PHF21B: variants seen among roughly 807,000 people sequenced by gnomAD.
PHF21B encodes PHD finger protein 21B, also known as PHD finger protein 4.
PHF21B carries 22 observed loss-of-function variants against 62.2 expected under a neutral mutation model. The ratio of observed to expected loss-of-function variants is 0.35; its 90% CI spans 0.25 to 0.51. The LOEUF (loss-of-function observed/expected upper bound fraction) is 0.51. Ranked by LOEUF, PHF21B falls within the 20% of genes least tolerant of loss-of-function variation. The pLI is 0.97. For synonymous variants in PHF21B, 341 were observed against 314.7 expected (o/e 1.08, Z -0.88); for missense variants, 701 against 707.9 (o/e 0.99, Z 0.11).
At chr22:44,979,152 C>A (rs1320780485) in intron 2 of PHF21B, among the ~76,000 whole-genome samples, 2 of 152,268 alleles carry the variant, frequency 1.3e-5, no homozygotes, top group Non-Finnish European at 2.9e-5. Flanking sequence ...TTCTCTCCTG[C>A]ACCCACAGTG....
chr22:44,947,272 C>A lies in PHF21B; in HGVS notation c.121-26782G>T, dbSNP rs1474839009. ...TGTGTTGCCATTCTGAGCACCTACTCGGCACCAAGCATTCTGTTCACGTTC... is the reference window on the plus strand; with the variant it reads ...TGTGTTGCCATTCTGAGCACCTACTAGGCACCAAGCATTCTGTTCACGTTC... On this transcript the variant is annotated intron_variant, in intron 2 of 12. Coordinates refer to ENST00000313237, the MANE Select transcript of PHF21B (RefSeq NM_138415.5). Among the ~76,000 whole-genome samples, 5 of 152,208 alleles carry A rather than the reference C, an allele frequency of 3.3e-5. 1 individual carries two copies. The East Asian group carries it at 5.8e-4, about 18-fold the overall frequency.
chr22:44,894,690 T>G (rs1371840818), intron 6 of PHF21B, among the ~76,000 whole-genome samples: 1 of 152,156 alleles, frequency 6.6e-6, no homozygotes, highest in East Asian at 1.9e-4. Flanking sequence ...AAGGGTTGCT[T>G]ACAGGGGGCT....
At chr22:44,916,829 C>T (rs1244204728) in intron 3 of PHF21B, among the ~76,000 whole-genome samples, 199 bp from the exon 4 acceptor site, 5 of 152,224 alleles carry the variant, frequency 3.3e-5, no homozygotes, top group Admixed American at 6.5e-5. Flanking sequence ...CGACTGGCCA[C>T]GGGGCTCAGG....
At chr22:44,967,443 G>A (rs1010734262) in intron 2 of PHF21B, among the ~76,000 whole-genome samples, 1 of 152,036 alleles carries the variant, frequency 6.6e-6, no homozygotes, top group African/African-American at 2.4e-5. Context: ...GGATAGTCTC[G>A]ATCTCCTGAC....
At chr22:44,920,922 G>A (rs1391422364) in intron 2 of PHF21B, among the ~76,000 whole-genome samples, 1 of 152,174 alleles carries the variant, frequency 6.6e-6, no homozygotes, top group East Asian at 1.9e-4. Context: ...TTGGAAATTT[G>A]AGTTCTAGCT....
Position 44,908,156 on chromosome 22 carries a change from C to T in PHF21B, c.831+5666G>A, listed in dbSNP as rs577036837. On this transcript the variant is annotated intron_variant, in intron 5 of 12. Coordinates refer to ENST00000313237, the MANE Select transcript of PHF21B (RefSeq NM_138415.5). The stretch of plus-strand genomic sequence containing the variant: ...GACCCCAAACCTGACCTCCACTCAG[C>T]CTGACCAAAGGCAGAGATGGCGTCT... Among the ~76,000 whole-genome samples, 18 of 152,288 alleles carry T rather than the reference C, an allele frequency of 1.2e-4. 1 individual carries two copies. The South Asian group carries it at 3.7e-3, about 32-fold the overall frequency.
At chr22:44,942,144 C>T (rs1270070553) in intron 2 of PHF21B, among the ~76,000 whole-genome samples, 1 of 152,218 alleles carries the variant, frequency 6.6e-6, no homozygotes, top group Non-Finnish European at 1.5e-5. Context: ...GTCCCAGCAC[C>T]ACCAAAGGGT....
At chr22:44,974,263 A>T (rs935735868) in intron 2 of PHF21B, among the ~76,000 whole-genome samples, 2 of 151,974 alleles carry the variant, frequency 1.3e-5, no homozygotes, top group Non-Finnish European at 2.9e-5. Context: ...AAAATATAAA[A>T]ATCAGCTGGG....
chr22:44,953,830 T>G (rs2072241121), intron 2 of PHF21B, among the ~76,000 whole-genome samples: 1 of 152,220 alleles, frequency 6.6e-6, no homozygotes, highest in African/African-American at 2.4e-5. Context: ...TAATTAATCC[T>G]CAAAACAACT....
intron 9 of PHF21B, among the ~76,000 whole-genome samples, chr22:44,888,746 A>G (rs2070906276): frequency 6.6e-6 from 1 of 152,178 alleles, no homozygotes; most frequent in Admixed American, 6.5e-5. Flanking sequence ...GAGGGGCAAC[A>G]CCCTCAGAGG....
chr22:44,901,701 C>T (rs183904949), intron 5 of PHF21B: 146 of 428,602 alleles, frequency 3.4e-4, no homozygotes, highest in African/African-American at 3.0e-3. Context: ...AGGGGGAAGC[C>T]CCATTGAAGC....
At chr22:44,927,477 A>G (rs1487971566) in intron 2 of PHF21B, among the ~76,000 whole-genome samples, 1 of 152,024 alleles carries the variant, frequency 6.6e-6, no homozygotes, top group Admixed American at 6.5e-5. Flanking sequence ...CAAAGTCCAA[A>G]GTCCCCATTA....
intron 2 of PHF21B, among the ~76,000 whole-genome samples, chr22:44,955,010 A>G (rs979559945): frequency 6.6e-6 from 1 of 152,162 alleles, no homozygotes; most frequent in Non-Finnish European, 1.5e-5. Context: ...CCAGCCCAGA[A>G]GCCATGATCA....
intron 2 of PHF21B, among the ~76,000 whole-genome samples, chr22:44,967,348 G>C (rs908615163): frequency 6.6e-6 from 1 of 151,502 alleles, no homozygotes; most frequent in Non-Finnish European, 1.5e-5. Flanking sequence ...AGCCTCCCGA[G>C]TAGCTGGGAC....
chr22:44,928,777 C>T (rs572464644), intron 2 of PHF21B, among the ~76,000 whole-genome samples: 1 of 152,250 alleles, frequency 6.6e-6, no homozygotes, highest in Non-Finnish European at 1.5e-5. Flanking sequence ...TGGCTGCTTC[C>T]TCGCAGTGGG....
At position 44,931,760 on chromosome 22, in the gene PHF21B, C is replaced by T. The variant is rs533639446; in HGVS notation, c.121-11270G>A. On this transcript the variant is annotated intron_variant, in intron 2 of 12. Transcript: ENST00000313237. ...GCCTCTGAGGTCACGCTAGTTCTGC[C>T]GTGGAGGGTGTCCGTGAGACCAGCT... Among the ~76,000 whole-genome samples the T allele has an allele frequency of 3.7e-4, 56 of 152,174 alleles. No individual in the cohort carries two copies. The South Asian group carries it at 1.0e-2, about 27-fold the overall frequency.
At chr22:45,005,428 C>T (rs1325900752) in intron 2 of PHF21B, among the ~76,000 whole-genome samples, 1 of 152,202 alleles carries the variant, frequency 6.6e-6, no homozygotes, top group East Asian at 1.9e-4. Flanking sequence ...AAACTCACTT[C>T]CTGTTAATTC....
intron 2 of PHF21B, among the ~76,000 whole-genome samples, chr22:44,934,527 C>A (rs944193786): frequency 6.6e-6 from 1 of 152,156 alleles, no homozygotes; most frequent in African/African-American, 2.4e-5. Flanking sequence ...ACAGAGCCCT[C>A]CCCTGCCAGG....
intron 2 of PHF21B, among the ~76,000 whole-genome samples, chr22:45,005,850 TTAAA>T (rs1181221649): frequency 2.6e-5 from 4 of 152,146 alleles, no homozygotes; most frequent in African/African-American, 7.2e-5. Context: ...TTCTGTTGAG[TTAAA>T]TAAACAAACT....
Sources: allele counts gnomAD v4.1 joint callset (sites outside exome capture counted in the v4.1 genomes callset), GRCh38; gene constraint gnomAD v4.1.1; transcripts MANE v1.5; gene names NCBI Gene and HGNC (gene_info 2026-07-23, HGNC 2026-07-21).